NLRC4: variants seen among roughly 807,000 people sequenced by gnomAD.
NLRC4 encodes NLR family CARD domain-containing protein 4.
In NLRC4, 63 loss-of-function variants were observed where a neutral mutation model predicts 79.9. The observed-to-expected ratio is 0.79, with a 90% confidence interval of 0.64 to 0.97. The LOEUF is 0.97. Ranked by LOEUF, NLRC4 falls within the 50% of genes least tolerant of loss-of-function variation. The pLI is 0.00. For missense variants in NLRC4, 1,074 were observed against 1,215.2 expected (o/e 0.88, Z 1.73); for synonymous variants, 461 against 456.5 (o/e 1.01, Z -0.12).
At chr2:32,248,396 C>T (rs1489263114) in intron 4 of NLRC4, among the ~76,000 whole-genome samples, 1 of 152,174 alleles carries the variant, frequency 6.6e-6, no homozygotes. Flanking sequence ...AACTCATCAG[C>T]ATTACTGTTG....
chr2:32,263,622 G>A (rs1219386271), intron 1 of NLRC4, among the ~76,000 whole-genome samples: 4 of 152,058 alleles, frequency 2.6e-5, no homozygotes, highest in East Asian at 1.9e-4. Context: ...AGAGGAAATC[G>A]GGACACACAA....
At chr2:32,261,314 C>CT (rs202224868) in intron 1 of NLRC4, among the ~76,000 whole-genome samples, 16 of 81,248 alleles carry the variant, frequency 2.0e-4, no homozygotes, top group East Asian at 1.0e-3. Context: ...TAAGCCTCCC[C>CT]CCTTTTGTTT....
chr2:32,238,078 G>A (rs1686712480), intron 6 of NLRC4, 54 bp downstream of exon 6: 4 of 1,280,634 alleles, frequency 3.1e-6, no homozygotes, highest in Non-Finnish European at 3.3e-6. Flanking sequence ...TAGTATAATA[G>A]TATCACATGT....
At chr2:32,225,409 ATG>A (rs35323064) in intron 8 of NLRC4, among the ~76,000 whole-genome samples, 5,245 of 149,064 alleles carry the variant, frequency 0.035, 108 homozygotes, top group Middle Eastern at 0.085. Flanking sequence ...CATACAAAGG[ATG>A]TGTGTGTGTG....
intron 8 of NLRC4, among the ~76,000 whole-genome samples, chr2:32,233,869 G>A (rs967940894): frequency 9.9e-5 from 15 of 152,278 alleles, no homozygotes; most frequent in African/African-American, 3.1e-4. Flanking sequence ...GTCCAATGCT[G>A]TAAATGGGGT....
intron 8 of NLRC4, among the ~76,000 whole-genome samples, chr2:32,228,416 C>CTTAG (rs911488976): frequency 6.6e-6 from 1 of 152,148 alleles, no homozygotes; most frequent in Non-Finnish European, 1.5e-5. Flanking sequence ...CACCGCCTCC[C>CTTAG]TTAGACACAC....
At chr2:32,231,579 G>GGGT (rs1558446188) in intron 8 of NLRC4, among the ~76,000 whole-genome samples, 1 of 113,000 alleles carries the variant, frequency 8.8e-6, no homozygotes, top group Non-Finnish European at 1.9e-5. Flanking sequence ...TTTTGTGGGG[G>GGGT]GGGGGTGGGG....
Position 32,250,330 on chromosome 2 carries a change from C to A in NLRC4, c.1534G>T (p.Val512Leu), listed in dbSNP as rs768764867. 3 of 1,614,100 alleles carry A rather than the reference C, an allele frequency of 1.9e-6. No individual in the cohort carries two copies. Among genetic ancestry groups the A allele is most frequent in the East Asian group, 2.2e-5 (1 of 44,894 alleles). The change falls in exon 4 of 9, where the codon GTG (valine) becomes TTG (leucine). Residue 512 changes from valine to leucine, a missense_variant. Physicochemically the swap from Val to Leu is conservative, Grantham distance 32. Transcript: ENST00000402280. This position sits in a 1 kb window ranked among gnomAD's most constrained non-coding sequence, Gnocchi z 4.9. ...CCGAGAAGGCAGCCGTGTTGATACA[C>A]TGCTGCGAGGTGCTTCATAACAGCC... Reference protein sequence around the residue: ...TRAVMKHLAAVYQHGCLLGLS... With the variant: ...TRAVMKHLAALYQHGCLLGLS...
chr2:32,252,540 C>T lies in NLRC4; in HGVS notation c.141G>A (p.Glu47=). ...EVNIICCEKV[E]QDAARGIIHM... ...GAATGATCCCTCTAGCAGCATCCTG[C>T]TCCACCTTCTCGCAGCAAATGATGT... Residue 47 remains glutamate, a synonymous_variant, in exon 3 of 9, where the codon GAG becomes GAA. Transcript: ENST00000402280. The T allele has an allele frequency of 3.1e-6, 5 of 1,614,210 alleles. No homozygotes were observed. The highest frequency in any genetic ancestry group is 4.2e-6 in the Non-Finnish European group (5 of 1,180,006).
chr2:32,249,494 T>G (rs1325177158), intron 4 of NLRC4, 113 bp downstream of exon 4: 1 of 901,300 alleles, frequency 1.1e-6, no homozygotes, highest in Non-Finnish European at 1.7e-6. Flanking sequence ...GATGGCCACC[T>G]TGCAGGCTGT....
chr2:32,245,534 A>T (rs1573486932), intron 4 of NLRC4, among the ~76,000 whole-genome samples: 1 of 152,166 alleles, frequency 6.6e-6, no homozygotes, highest in Admixed American at 6.5e-5. Context: ...CTTAGAAGGG[A>T]TAAATAAGAT....
At chr2:32,254,141 T>C (rs1466789301) in intron 2 of NLRC4, among the ~76,000 whole-genome samples, 3 of 151,736 alleles carry the variant, frequency 2.0e-5, no homozygotes, top group Admixed American at 6.6e-5. Context: ...ATCCTGAAAA[T>C]TCAATAATCA....
chr2:32,237,039 G>A (rs944495288), intron 6 of NLRC4, among the ~76,000 whole-genome samples: 1 of 152,080 alleles, frequency 6.6e-6, no homozygotes, highest in Admixed American at 6.5e-5. Context: ...GAATGACAAA[G>A]ACACAAATAT....
chr2:32,226,374 A>G (rs1466899385), intron 8 of NLRC4, among the ~76,000 whole-genome samples: 2 of 152,208 alleles, frequency 1.3e-5, no homozygotes, highest in African/African-American at 4.8e-5. Flanking sequence ...TATCACCATC[A>G]TAAGGTCTTG....
At chr2:32,255,810 C>G (rs1446419309) in intron 2 of NLRC4, among the ~76,000 whole-genome samples, 2 of 151,866 alleles carry the variant, frequency 1.3e-5, no homozygotes, top group Non-Finnish European at 2.9e-5. Context: ...GTCAGGAGAT[C>G]GAGATCATCC....
chr2:32,237,600 A>G (rs1011298969), intron 6 of NLRC4, among the ~76,000 whole-genome samples: 9 of 152,244 alleles, frequency 5.9e-5, no homozygotes, highest in Non-Finnish European at 1.2e-4. Flanking sequence ...AAATTTTAAA[A>G]TATGTCTGAA....
At chr2:32,254,726 C>G (rs573069961) in intron 2 of NLRC4, among the ~76,000 whole-genome samples, 1 of 150,998 alleles carries the variant, frequency 6.6e-6, no homozygotes, top group Non-Finnish European at 1.5e-5. Flanking sequence ...TCAAGCAATT[C>G]CCCTGCCTCG....
At position 32,252,318 on chromosome 2, in the gene NLRC4, A is replaced by G. The variant is rs544043816; in HGVS notation, c.262+101T>C. ...GTATCAAAGGCCACTGCCAGGTGAT[A>G]TGAAGAGAAGGAAAAGCAGAGGCTC... On this transcript the variant is annotated intron_variant, in intron 3 of 8. Transcript: ENST00000402280. 101 of 853,256 alleles carry G rather than the reference A, an allele frequency of 1.2e-4. 1 individual carries two copies. The South Asian group carries it at 1.6e-3, about 13-fold the overall frequency. 52.9% of individuals were successfully genotyped at this position (853,256 alleles called of 1,614,324 possible). A position where few individuals can be genotyped will look rare whatever the true frequency, so the allele number is the denominator to read the frequency against.
chr2:32,260,572 A>G (rs1558463636), intron 1 of NLRC4, among the ~76,000 whole-genome samples: 1 of 152,236 alleles, frequency 6.6e-6, no homozygotes, highest in Non-Finnish European at 1.5e-5. Flanking sequence ...CTTTTCTAAT[A>G]AAAAGCAGCC....
Sources: allele counts gnomAD v4.1 joint callset (sites outside exome capture counted in the v4.1 genomes callset), GRCh38; gene constraint gnomAD v4.1.1; non-coding constraint Gnocchi (gnomAD v3.1); transcripts MANE v1.5; gene names NCBI Gene and HGNC (gene_info 2026-07-23, HGNC 2026-07-21).